NTM: variants seen among roughly 807,000 people sequenced by gnomAD.
The protein encoded by NTM is IgLON family member 2.
A neutral mutation model predicts 42.1 loss-of-function variants in NTM; 13 were observed. That is an observed-to-expected ratio of 0.31 (90% CI 0.20 to 0.49). The LOEUF (loss-of-function observed/expected upper bound fraction) is 0.49, where lower values mean the gene tolerates loss of function less well. Ranked by LOEUF, NTM falls within the 20% of genes least tolerant of loss-of-function variation. The pLI, the probability that NTM is intolerant of heterozygous loss-of-function variation, is 0.99. For synonymous variants in NTM, 187 were observed against 179.2 expected, an observed-to-expected ratio of 1.04 and a Z score of -0.35; for missense variants, 373 against 452.8, an observed-to-expected ratio of 0.82 and a Z score of 1.60.
chr11:132,300,467 C>A (rs150354284), intron 4 of NTM, among the ~76,000 whole-genome samples: 3 of 152,312 alleles, frequency 2.0e-5, no homozygotes, highest in African/African-American at 7.2e-5. Context: ...AATACTAGAG[C>A]TCATCACTGC....
intron 2 of NTM, among the ~76,000 whole-genome samples, chr11:132,034,960 T>C (rs1023071268): frequency 2.0e-5 from 3 of 152,232 alleles, no homozygotes; most frequent in African/African-American, 7.2e-5. Context: ...ATTTCTGGTC[T>C]CCTAGCATCT....
chr11:131,709,645 G>T (rs1204186855), intron 1 of NTM, among the ~76,000 whole-genome samples: 1 of 152,194 alleles, frequency 6.6e-6, no homozygotes, highest in Non-Finnish European at 1.5e-5. Context: ...ACTTCAAGAT[G>T]TCTGCTAGCC....
At chr11:131,941,401 C>A (rs1270147581) in intron 2 of NTM, among the ~76,000 whole-genome samples, 1 of 152,172 alleles carries the variant, frequency 6.6e-6, no homozygotes, top group Non-Finnish European at 1.5e-5. Context: ...GATATGGATT[C>A]AAATCCTGTC....
At chr11:131,634,838 A>G (rs2064163880) in intron 1 of NTM, among the ~76,000 whole-genome samples, 1 of 152,234 alleles carries the variant, frequency 6.6e-6, no homozygotes, top group African/African-American at 2.4e-5. Context: ...ATTACAAATA[A>G]TATATTTACA....
intron 2 of NTM, among the ~76,000 whole-genome samples, chr11:132,134,727 A>G (rs1348754321): frequency 0.03 from 2,091 of 69,058 alleles, 194 homozygotes; most frequent in Non-Finnish European, 0.04. Context: ...ATATATATAT[A>G]TATATATATA....
rs112128179 is a variant in NTM at position 132,015,109 on chromosome 11, G to C, written c.167+103461G>C. ...GGTCTAGTTTCATTCTTCTGCATAG[G>C]AATATCCAGTTTTTTTCAGCACCAA... On this transcript the variant is annotated intron_variant, in intron 2 of 8. Coordinates refer to ENST00000683400, the MANE Select transcript of NTM (RefSeq NM_001352005.2). Among the ~76,000 whole-genome samples, 181 of 151,948 alleles carry C rather than the reference G, an allele frequency of 1.2e-3. 2 individuals are homozygous for C. The highest frequency in any genetic ancestry group is 4.0e-3 in the African/African-American group (168 of 41,488).
intron 2 of NTM, among the ~76,000 whole-genome samples, chr11:132,034,783 G>A (rs944500366): frequency 1.3e-5 from 2 of 152,182 alleles, no homozygotes; most frequent in Non-Finnish European, 2.9e-5. Flanking sequence ...TGGATGCTTT[G>A]CCAAAGGCTT....
intron 1 of NTM, among the ~76,000 whole-genome samples, chr11:131,556,788 G>A (rs1046678678): frequency 1.3e-5 from 2 of 151,920 alleles, no homozygotes; most frequent in Admixed American, 6.5e-5. Context: ...ACCTGATCTC[G>A]AACTCCTGAC....
chr11:132,330,708 G>C (rs776760542), intron 8 of NTM, among the ~76,000 whole-genome samples: 1 of 152,154 alleles, frequency 6.6e-6, no homozygotes, highest in Non-Finnish European at 1.5e-5. Context: ...AGATGTTTCC[G>C]ATGGATAATT....
chr11:131,921,439 C>T (rs1414812603), intron 2 of NTM, among the ~76,000 whole-genome samples: 5 of 152,130 alleles, frequency 3.3e-5, no homozygotes, highest in Non-Finnish European at 7.3e-5. Flanking sequence ...AACTTCCCTA[C>T]AAGTTTCAAA....
intron 2 of NTM, among the ~76,000 whole-genome samples, chr11:132,116,593 ACAT>A (rs1257528980): frequency 1.3e-5 from 2 of 152,148 alleles, no homozygotes; most frequent in Non-Finnish European, 2.9e-5. Flanking sequence ...GGTGTCCTTA[ACAT>A]CATTCAGAGC....
At chr11:132,240,753 A>G (rs2090054164) in intron 4 of NTM, among the ~76,000 whole-genome samples, 1 of 152,250 alleles carries the variant, frequency 6.6e-6, no homozygotes, top group Non-Finnish European at 1.5e-5. Flanking sequence ...AGATAGAGAA[A>G]AAAATTCTAA....
At chr11:132,120,954 A>C (rs918104018) in intron 2 of NTM, among the ~76,000 whole-genome samples, 2 of 152,026 alleles carry the variant, frequency 1.3e-5, no homozygotes, top group African/African-American at 4.8e-5. Flanking sequence ...GAGCACGTAC[A>C]CTCGTGATTT....
At chr11:132,212,774 G>T (rs1037952997) in intron 4 of NTM, among the ~76,000 whole-genome samples, 1 of 152,176 alleles carries the variant, frequency 6.6e-6, no homozygotes. Flanking sequence ...TTTGAGACAA[G>T]ATGTCATTTA....
chr11:131,979,359 T>C (rs1366729732), intron 2 of NTM, among the ~76,000 whole-genome samples: 1 of 148,056 alleles, frequency 6.8e-6, no homozygotes, highest in East Asian at 2.3e-4. Flanking sequence ...TAAAGAAGTG[T>C]GTGATAGCAT....
intron 1 of NTM, among the ~76,000 whole-genome samples, chr11:131,680,435 G>A (rs1592512028): frequency 1.3e-5 from 2 of 148,596 alleles, no homozygotes; most frequent in African/African-American, 2.5e-5. Flanking sequence ...GTGTCTGTGT[G>A]TGAGATCATA....
intron 1 of NTM, among the ~76,000 whole-genome samples, chr11:131,807,932 C>G (rs1301822530): frequency 3.3e-5 from 5 of 152,162 alleles, no homozygotes; most frequent in Non-Finnish European, 7.3e-5. Flanking sequence ...GTGACTATCA[C>G]TTTCAATGTG....
chr11:131,442,413 T>C (rs1050042880), intron 1 of NTM, among the ~76,000 whole-genome samples: 19 of 152,178 alleles, frequency 1.2e-4, no homozygotes, highest in Non-Finnish European at 2.6e-4. Flanking sequence ...CAGTGCATGG[T>C]CAAATTCTTT....
chr11:131,987,649 A>G (rs542048281), intron 2 of NTM, among the ~76,000 whole-genome samples: 1 of 152,314 alleles, frequency 6.6e-6, no homozygotes, highest in Admixed American at 6.5e-5. Context: ...TGCAAAATGG[A>G]TTGAGTATAA....
Sources: allele counts gnomAD v4.1 joint callset (sites outside exome capture counted in the v4.1 genomes callset), GRCh38; gene constraint gnomAD v4.1.1; transcripts MANE v1.5; gene names NCBI Gene and HGNC (gene_info 2026-07-23, HGNC 2026-07-21).